The following MYOM2 variants were observed in gnomAD, a reference collection of about 807,000 sequenced individuals.
MYOM2 encodes myomesin 2.
In MYOM2, 254 loss-of-function variants were observed where a neutral mutation model predicts 187.6. The ratio of observed to expected loss-of-function variants is 1.35; its 90% CI spans 1.22 to 1.50. The LOEUF is 1.50. Among genes scored for constraint, MYOM2 ranks in the 40% most tolerant of loss-of-function variants. The probability of loss-of-function intolerance (pLI) is 0.00; values close to 1 mark genes in which losing one functional copy is unlikely to be tolerated. For synonymous variants in MYOM2, 981 were observed against 753.8 expected (o/e 1.30, Z -4.94); for missense variants, 2,796 against 1,924.0 (o/e 1.45, Z -8.48).
intron 19 of MYOM2, among the ~76,000 whole-genome samples, chr8:2,099,433 C>A (rs1013424826): frequency 6.6e-6 from 1 of 151,786 alleles, no homozygotes. Flanking sequence ...CTCCTGCAGT[C>A]CTCTCAGGCC....
At chr8:2,111,262 C>G (rs778764824) in intron 25 of MYOM2, among the ~76,000 whole-genome samples, 1 of 152,136 alleles carries the variant, frequency 6.6e-6, no homozygotes, top group Non-Finnish European at 1.5e-5. Context: ...AAGATTGATG[C>G]TATTTTGTGG....
At chr8:2,122,638 T>C (rs1045069112) in intron 28 of MYOM2, among the ~76,000 whole-genome samples, 4 of 152,244 alleles carry the variant, frequency 2.6e-5, no homozygotes, top group African/African-American at 9.6e-5. Context: ...CATTCTGCCA[T>C]GCTGAATCAG....
Position 2,073,477 on chromosome 8 carries a change from A to G in MYOM2, c.1097A>G (p.His366Arg), listed in dbSNP as rs2129334954. 6.2e-7 allele frequency: 1 copy of G among 1,607,134 alleles called. No individual in the cohort carries two copies. Among genetic ancestry groups the G allele is most frequent in the Non-Finnish European group, 8.5e-7 (1 of 1,179,164 alleles). ...GTGTCTCGGGGCGGCGTCAGCGACC[A>G]CAGCGCCTTCCTGTTTGTCAGAGGT... ...RIVSRGGVSDHSAFLFVRDAD... is the reference protein window; with the variant it reads ...RIVSRGGVSDRSAFLFVRDAD... Residue 366 changes from histidine (H) to arginine (R), a missense_variant, in exon 10 of 37, where the codon CAC (histidine) becomes CGC (arginine). By Grantham distance (29) the His-to-Arg change is conservative. Coordinates refer to ENST00000262113, the MANE Select transcript of MYOM2 (RefSeq NM_003970.4).
At chr8:2,072,888 TTCCA>T (rs1362516382) in intron 9 of MYOM2, among the ~76,000 whole-genome samples, 2 of 152,248 alleles carry the variant, frequency 1.3e-5, no homozygotes, top group Non-Finnish European at 2.9e-5. Flanking sequence ...CTTTTCTTCC[TTCCA>T]TCCAGTCATT....
intron 16 of MYOM2, among the ~76,000 whole-genome samples, chr8:2,093,526 G>A (rs1796378599): frequency 6.6e-6 from 1 of 152,156 alleles, no homozygotes; most frequent in Non-Finnish European, 1.5e-5. Flanking sequence ...GGTTAAGGAG[G>A]TTGATTAAGA....
chr8:2,145,258 A>G lies in MYOM2; in HGVS notation c.*277A>G. 1 of 536,966 alleles carries G rather than the reference A, an allele frequency of 1.9e-6. No homozygotes were observed. The highest frequency in any genetic ancestry group is 3.3e-6 in the Non-Finnish European group (1 of 306,066). 33.3% of individuals were successfully genotyped at this position (536,966 alleles called of 1,614,324 possible). A position where few individuals can be genotyped will look rare whatever the true frequency, so the allele number is the denominator to read the frequency against. On this transcript the variant is annotated 3_prime_UTR_variant, in exon 37 of 37. Transcript: ENST00000262113. Reference sequence around the variant, plus strand: ...GTGGGTTGGCAGACAACACACTAGAATTTTCACGGGTGTGGGCACATGGGT... The same window carrying G: ...GTGGGTTGGCAGACAACACACTAGAGTTTTCACGGGTGTGGGCACATGGGT...
intron 14 of MYOM2, among the ~76,000 whole-genome samples, chr8:2,086,385 C>CCCCACACTGTCGTGAT (rs1796053365): frequency 8.6e-6 from 1 of 116,526 alleles, no homozygotes; most frequent in Admixed American, 8.3e-5. Flanking sequence ...CTCTGCGTGG[C>CCCCACACTGTCGTGAT]CTCCCACTGT....
intron 13 of MYOM2, among the ~76,000 whole-genome samples, chr8:2,080,294 A>G (rs1463749045): frequency 6.6e-6 from 1 of 152,250 alleles, no homozygotes; most frequent in East Asian, 1.9e-4. Context: ...GCTCGCTAAA[A>G]TCACAGCCGT....
In MYOM2 at chr8:2,142,393, G is replaced by C. The variant is rs758543224; in HGVS notation, c.4020G>C (p.Glu1340Asp). The C allele has an allele frequency of 1.2e-6, 2 of 1,613,856 alleles. No individual in the cohort carries two copies. The highest frequency in any genetic ancestry group is 1.7e-6 in the Non-Finnish European group (2 of 1,179,730). The change falls in exon 35 of 37, where the codon GAG becomes GAC. Residue 1340 changes from glutamate to aspartate, a missense_variant. Glu to Asp is a conservative substitution (Grantham distance 45, BLOSUM62 2). Coordinates refer to ENST00000262113, the MANE Select transcript of MYOM2 (RefSeq NM_003970.4). ...CTTTTAGAGCTGCTGCTTTTGCAGA[G>C]AAGAGTAAGTACCTGTTGGATTGTA... ...FQQFKAAAFAEKNRGRLIGGL... is the reference protein window; with the variant it reads ...FQQFKAAAFADKNRGRLIGGL...
In MYOM2 at chr8:2,129,161, C is replaced by T. The variant is rs773685947; in HGVS notation, c.3729C>T (p.Thr1243=). Residue 1243 remains threonine (T), a synonymous_variant, in exon 32 of 37, where the codon ACC becomes ACT. Coordinates refer to ENST00000262113, the MANE Select transcript of MYOM2 (RefSeq NM_003970.4). ...KSASPLKVLC[T]PEGIRLQCFM... is the part of the protein sequence containing the mutation. ...CTTCGCCACTGAAGGTACTCTGCACCCCAGAAGGAATACGACTTCAGTGTT... is the reference window on the plus strand; with the variant it reads ...CTTCGCCACTGAAGGTACTCTGCACTCCAGAAGGAATACGACTTCAGTGTT... 3 of 1,611,496 alleles carry T rather than the reference C, an allele frequency of 1.9e-6. No individual in the cohort carries two copies. The highest frequency in any genetic ancestry group is 2.5e-6 in the Non-Finnish European group (3 of 1,177,816).
In MYOM2 at chr8:2,098,868, G is replaced by C. The variant is rs1273254772; in HGVS notation, c.2325G>C (p.Leu775Phe). 2 of 1,611,892 alleles carry C rather than the reference G, an allele frequency of 1.2e-6. No individual in the cohort carries two copies. The highest frequency in any genetic ancestry group is 1.7e-5 in the Admixed American group (1 of 59,894). ...SKPTILTVDGLTEGSLYEFKI... is the reference protein window; with the variant it reads ...SKPTILTVDGFTEGSLYEFKI... The stretch of plus-strand genomic sequence containing the variant: ...CAAAATCTGAATAGGTGGACGGCTT[G>C]ACGGAAGGCTCACTCTACGAGTTCA... Residue 775 changes from leucine (L) to phenylalanine (F), a missense_variant, in exon 19 of 37, where the codon TTG (leucine) becomes TTC (phenylalanine). Coordinates refer to ENST00000262113, the MANE Select transcript of MYOM2 (RefSeq NM_003970.4).
Position 2,090,074 on chromosome 8 carries a change from G to A in MYOM2, c.1711G>A (p.Ala571Thr), listed in dbSNP as rs769219107. Residue 571 changes from alanine to threonine, a missense_variant, in exon 15 of 37, where the codon GCC becomes ACC. Physicochemically the swap from Ala to Thr is moderately conservative, Grantham distance 58. Coordinates refer to ENST00000262113, the MANE Select transcript of MYOM2 (RefSeq NM_003970.4). ...AQTAVRSPRY[A>T]VFDLMEGKSY... ...GACGGCTGTGAGATCCCCGAGATAT[G>A]CCGTGTTTGACCTCATGGAAGGGAA... 3.1e-6 allele frequency: 5 copies of A among 1,614,112 alleles called. No individual in the cohort carries two copies. The highest frequency in any genetic ancestry group is 3.4e-6 in the Non-Finnish European group (4 of 1,180,020).
intron 31 of MYOM2, chr8:2,127,896 T>C: frequency 6.5e-6 from 1 of 152,774 alleles, no homozygotes; most frequent in South Asian, 2.0e-4. Context: ...GTGCTCTTTC[T>C]TTCCTCATGT....
chr8:2,133,046 C>G (rs34932258), intron 32 of MYOM2, among the ~76,000 whole-genome samples: 19,709 of 151,994 alleles, frequency 0.13, 2,185 homozygotes, highest in African/African-American at 0.28. Flanking sequence ...CGGTCCTGGC[C>G]TGTGACAGCT....
intron 32 of MYOM2, among the ~76,000 whole-genome samples, chr8:2,135,217 A>G (rs530852894): frequency 6.6e-6 from 1 of 152,318 alleles, no homozygotes; most frequent in African/African-American, 2.4e-5. Context: ...GTGAGAAACA[A>G]ATGTGCATAC....
chr8:2,121,232 A>C (rs1797443421), intron 28 of MYOM2, among the ~76,000 whole-genome samples: 1 of 152,192 alleles, frequency 6.6e-6, no homozygotes, highest in Non-Finnish European at 1.5e-5. Context: ...TCAGCAACTC[A>C]AAGCCCAGAG....
At chr8:2,100,601 G>C (rs1388805218) in intron 19 of MYOM2, 1 of 438,442 alleles carries the variant, frequency 2.3e-6, no homozygotes, top group African/African-American at 2.0e-5. Context: ...CTCTGTGATC[G>C]CATCTGCTGG....
chr8:2,140,288 C>T (rs539928949), intron 32 of MYOM2, among the ~76,000 whole-genome samples: 10 of 151,364 alleles, frequency 6.6e-5, no homozygotes, highest in African/African-American at 2.4e-4. Flanking sequence ...CACCAATGGA[C>T]GCTTGGGCTG....
chr8:2,079,255 G>T (rs994026292), intron 12 of MYOM2, among the ~76,000 whole-genome samples: 1 of 151,944 alleles, frequency 6.6e-6, no homozygotes, highest in Non-Finnish European at 1.5e-5. Context: ...CACTTAGAAG[G>T]CCATCCTATT....
Sources: allele counts gnomAD v4.1 joint callset (sites outside exome capture counted in the v4.1 genomes callset), GRCh38; gene constraint gnomAD v4.1.1; transcripts MANE v1.5; gene names NCBI Gene and HGNC (gene_info 2026-07-23, HGNC 2026-07-21).